HYAL4: variants seen among roughly 807,000 people sequenced by gnomAD.
The protein encoded by HYAL4 is hyaluronidase 4.
Under a neutral mutation model 35.2 loss-of-function variants are expected in HYAL4, and 37 were observed. The ratio of observed to expected loss-of-function variants is 1.05; its 90% CI spans 0.81 to 1.38. The LOEUF (loss-of-function observed/expected upper bound fraction) is 1.38. Among genes scored for constraint, HYAL4 ranks in the 40% most tolerant of loss-of-function variants. The probability of loss-of-function intolerance (pLI) is 0.00; values close to 1 mark genes in which losing one functional copy is unlikely to be tolerated. For missense variants in HYAL4, 572 were observed against 572.4 expected (o/e 1.00, Z 0.01); for synonymous variants, 198 against 203.2 (o/e 0.97, Z 0.22).
upstream of HYAL4, among the ~76,000 whole-genome samples, chr7:123,841,634 T>C (rs1806068400): frequency 6.6e-6 from 1 of 152,014 alleles, no homozygotes; most frequent in South Asian, 2.1e-4. Context: ...GACTTTTTTT[T>C]GGTTGGTAGG....
chr7:123,768,721 C>A, the HYAL4 span, among the ~76,000 whole-genome samples: 4 of 152,156 alleles, frequency 2.6e-5, no homozygotes, highest in Non-Finnish European at 5.9e-5. Flanking sequence ...ACATGTGACA[C>A]AACTCAGGCC....
chr7:123,777,690 T>A, the HYAL4 span, among the ~76,000 whole-genome samples: 1 of 152,040 alleles, frequency 6.6e-6, no homozygotes, highest in East Asian at 1.9e-4. Context: ...TTAAAAATAT[T>A]TTTTTTATTT....
At chr7:123,863,443 G>A (rs764881383) in intron 2 of HYAL4, among the ~76,000 whole-genome samples, 2 of 152,150 alleles carry the variant, frequency 1.3e-5, no homozygotes, top group African/African-American at 2.4e-5. Context: ...ACCATGGGAA[G>A]CCATGGGGTG....
At chr7:123,787,042 G>A in the HYAL4 span, among the ~76,000 whole-genome samples, 3 of 149,708 alleles carry the variant, frequency 2.0e-5, no homozygotes, top group Non-Finnish European at 4.4e-5. Flanking sequence ...AGGAGGCAGA[G>A]GTTGCAGTGA....
the HYAL4 span, among the ~76,000 whole-genome samples, chr7:123,800,554 C>A: frequency 6.6e-6 from 1 of 151,292 alleles, no homozygotes; most frequent in Non-Finnish European, 1.5e-5. Flanking sequence ...ATATCATCTT[C>A]TATGGTCTAA....
Position 123,874,841 on chromosome 7 carries a change from T to C in HYAL4, c.1035T>C (p.Thr345=), listed in dbSNP as rs1332689218. Residue 345 remains threonine (T), a synonymous_variant, in exon 4 of 5, where the codon ACT becomes ACC. Transcript: ENST00000223026. ...GIVIWGDMNL[T]ASKANCTKVK... The stretch of plus-strand genomic sequence containing the variant: ...TTATTTGGGGAGACATGAATTTAAC[T>C]GCATCCAAGGTAAGTCAGTATCTTG... 1.9e-6 allele frequency: 3 copies of C among 1,576,630 alleles called. No homozygotes were observed. Among genetic ancestry groups the C allele is most frequent in the Non-Finnish European group, 1.7e-6 (2 of 1,145,774 alleles).
chr7:123,790,608 A>C, the HYAL4 span: 1 of 127,902 alleles, frequency 7.8e-6, no homozygotes. Context: ...TTTTTTTTTA[A>C]ATATGGAACG....
intron 1 of HYAL4, among the ~76,000 whole-genome samples, chr7:123,831,884 T>G (rs1161668493): frequency 6.6e-6 from 1 of 152,188 alleles, no homozygotes; most frequent in African/African-American, 2.4e-5. Context: ...CCCCTCATAA[T>G]TATCAAAATA....
At chr7:123,852,105 A>C (rs1806318318) in intron 2 of HYAL4, among the ~76,000 whole-genome samples, 1 of 152,122 alleles carries the variant, frequency 6.6e-6, no homozygotes, top group South Asian at 2.1e-4. Context: ...TATCTTATAA[A>C]TTTGTTAAGT....
chr7:123,860,501 A>G (rs527574595), intron 2 of HYAL4, among the ~76,000 whole-genome samples: 2 of 152,232 alleles, frequency 1.3e-5, no homozygotes, highest in African/African-American at 4.8e-5. Context: ...ACACACATGT[A>G]AAACAAATAC....
the HYAL4 span, among the ~76,000 whole-genome samples, chr7:123,763,935 C>G: frequency 6.6e-6 from 1 of 152,228 alleles, no homozygotes; most frequent in Admixed American, 6.5e-5. Flanking sequence ...AATGTCTTCT[C>G]TCCTGTTTCC....
At chr7:123,785,804 C>G in the HYAL4 span, among the ~76,000 whole-genome samples, 14 of 152,120 alleles carry the variant, frequency 9.2e-5, no homozygotes, top group Admixed American at 5.9e-4. The surrounding 1 kb of genome is among the most constrained non-coding windows in gnomAD (Gnocchi z 4.5). Context: ...GAGTGCCAAC[C>G]TATAAAAATG....
At chr7:123,843,325 C>T (rs958750374), upstream of HYAL4, among the ~76,000 whole-genome samples, 9 of 152,018 alleles carry the variant, frequency 5.9e-5, no homozygotes, top group African/African-American at 2.2e-4. Context: ...TGAATATTGG[C>T]CTCCACTCTC....
At chr7:123,823,691 C>T in the HYAL4 span, among the ~76,000 whole-genome samples, 1 of 146,496 alleles carries the variant, frequency 6.8e-6, no homozygotes, top group Non-Finnish European at 1.5e-5. Flanking sequence ...GTTATATATA[C>T]ACACACATAT....
Position 123,877,148 on chromosome 7 carries a change from A to G in HYAL4, c.1439A>G (p.Gln480Arg). Residue 480 changes from glutamine to arginine, a missense_variant, in exon 5 of 5, where the codon CAG becomes CGG. Transcript: ENST00000223026. ...LLLLASYRSIQL is the reference protein window; with the variant it reads ...LLLLASYRSIRL ...CTTTTAGCAAGTTATCGAAGCATTC[A>G]GTTGTGAGATAATTGAGTTTAAAGG... The G allele has an allele frequency of 6.2e-7, 1 of 1,612,012 alleles. No homozygotes were observed. The highest frequency in any genetic ancestry group is 8.5e-7 in the Non-Finnish European group (1 of 1,178,588).
intron 2 of HYAL4, among the ~76,000 whole-genome samples, chr7:123,851,798 T>C (rs1347295949): frequency 6.6e-6 from 1 of 152,188 alleles, no homozygotes; most frequent in African/African-American, 2.4e-5. Flanking sequence ...TGGTTCTAGA[T>C]CCTTGAGGAA....
At chr7:123,870,527 G>A (rs1806849184) in intron 3 of HYAL4, among the ~76,000 whole-genome samples, 2 of 152,116 alleles carry the variant, frequency 1.3e-5, no homozygotes, top group African/African-American at 4.8e-5. Context: ...TCTTTGGGAG[G>A]TTGAGGCAGG....
At chr7:123,862,199 A>G (rs377766474) in intron 2 of HYAL4, among the ~76,000 whole-genome samples, 7 of 152,256 alleles carry the variant, frequency 4.6e-5, no homozygotes, top group East Asian at 3.9e-4. Context: ...ATAAATATAT[A>G]TGAGTATATA....
the HYAL4 span, among the ~76,000 whole-genome samples, chr7:123,823,807 C>T: frequency 1.9e-4 from 28 of 150,728 alleles, no homozygotes; most frequent in African/African-American, 5.3e-4. Context: ...TAGGTTATCC[C>T]GAGTTACCTA....
Sources: allele counts gnomAD v4.1 joint callset (sites outside exome capture counted in the v4.1 genomes callset), GRCh38; gene constraint gnomAD v4.1.1; non-coding constraint Gnocchi (gnomAD v3.1); transcripts MANE v1.5; gene names NCBI Gene and HGNC (gene_info 2026-07-23, HGNC 2026-07-21).